Variants in DRD3 observed in about 807,000 individuals in gnomAD.
DRD3 encodes the protein D(3) dopamine receptor.
Under a neutral mutation model 36.3 loss-of-function variants are expected in DRD3, and 19 were observed. The ratio of observed to expected loss-of-function variants is 0.52; its 90% confidence interval spans 0.36 to 0.77. DRD3 has a LOEUF of 0.77. DRD3 is among the 30% of genes least tolerant of loss of function. The pLI is 0.00. For missense variants in DRD3, 465 were observed against 505.3 expected (o/e 0.92, Z 0.77); for synonymous variants, 195 against 203.7 (o/e 0.96, Z 0.36).
At chr3:114,196,939 G>C (rs2078038105) in intron 1 of DRD3, among the ~76,000 whole-genome samples, 1 of 149,970 alleles carries the variant, frequency 6.7e-6, no homozygotes, top group African/African-American at 2.4e-5. Flanking sequence ...GTCTTTTTAT[G>C]CACCTAATAG....
chr3:114,181,897 C>G (rs377348843), upstream of DRD3, among the ~76,000 whole-genome samples: 48 of 152,224 alleles, frequency 3.2e-4, no homozygotes, highest in African/African-American at 1.1e-3. Flanking sequence ...TAAACCCCCA[C>G]TGAGTTCCCA....
intron 5 of DRD3, among the ~76,000 whole-genome samples, chr3:114,134,006 A>G (rs916362263): frequency 2.0e-5 from 3 of 152,202 alleles, no homozygotes; most frequent in African/African-American, 4.8e-5. Flanking sequence ...TTTTCTAACT[A>G]GATTATTTCT....
At chr3:114,139,807 G>C (rs544113269) in intron 4 of DRD3, 111 bp from the exon 5 acceptor site, 30 of 982,618 alleles carry the variant, frequency 3.1e-5, no homozygotes, top group Middle Eastern at 2.6e-4. Flanking sequence ...TGCTGCACAG[G>C]GGGTGGGAAG....
intron 3 of DRD3, 46 bp from the exon 4 acceptor site, chr3:114,147,603 G>C: frequency 1.3e-6 from 2 of 1,586,516 alleles, no homozygotes; most frequent in Non-Finnish European, 1.7e-6. Flanking sequence ...AGATGGAATG[G>C]GGTACTTTTC....
Position 114,133,424 on chromosome 3 carries a change from C to A in DRD3, c.724-2024G>T, listed in dbSNP as rs555730333. ...ATTGTAGATGAAATAAGACTGACCA[C>A]GAATTGATCACGACTGAGGCTGCCT... On this transcript the variant is annotated intron_variant, in intron 5 of 6. Transcript: ENST00000383673. Among the ~76,000 whole-genome samples, 86 of 151,730 alleles carry A rather than the reference C, an allele frequency of 5.7e-4. 1 individual carries two copies. Among genetic ancestry groups the A allele is most frequent in the African/African-American group, 2.1e-3 (85 of 41,338 alleles).
chr3:114,185,129 T>C (rs962724505), intron 1 of DRD3, among the ~76,000 whole-genome samples: 3 of 152,208 alleles, frequency 2.0e-5, no homozygotes, highest in Non-Finnish European at 4.4e-5. Flanking sequence ...TTGTGCTTCT[T>C]GGATGTTTAT....
At chr3:114,189,601 T>C (rs753878189) in intron 1 of DRD3, among the ~76,000 whole-genome samples, 7 of 152,268 alleles carry the variant, frequency 4.6e-5, no homozygotes, top group Non-Finnish European at 1.0e-4. Context: ...GGCCACATTA[T>C]GCCTGTAGAA....
chr3:114,171,995 C>G lies in DRD3; in HGVS notation c.-3G>C. 1 of 1,440,314 alleles carries G rather than the reference C, an allele frequency of 6.9e-7. No homozygotes were observed. Among genetic ancestry groups the G allele is most frequent in the Non-Finnish European group, 9.2e-7 (1 of 1,090,630 alleles). The allele number at this position is 1,440,314 out of a possible 1,614,324, so 89.2% of individuals were successfully genotyped here. Reference sequence around the variant, plus strand: ...CTCAGCTGGCTCAGAGATGCCATAGCCCAGAGGGAGGTGCGTGATGCCAAG... The same window carrying G: ...CTCAGCTGGCTCAGAGATGCCATAGGCCAGAGGGAGGTGCGTGATGCCAAG... On this transcript the variant is annotated 5_prime_UTR_variant, in exon 2 of 7. Coordinates refer to ENST00000383673, the MANE Select transcript of DRD3 (RefSeq NM_000796.6).
chr3:114,186,891 A>G (rs1258806231), intron 1 of DRD3, among the ~76,000 whole-genome samples: 1 of 152,152 alleles, frequency 6.6e-6, no homozygotes, highest in African/African-American at 2.4e-5. Context: ...ATTGGCTTTT[A>G]GTGCTCCCCC....
chr3:114,177,429 G>A (rs546263781), intron 1 of DRD3, among the ~76,000 whole-genome samples: 1 of 152,132 alleles, frequency 6.6e-6, no homozygotes, highest in Non-Finnish European at 1.5e-5. Context: ...AACCTGACTA[G>A]TAAAGCAGAG....
At chr3:114,160,008 T>C (rs779415461) in intron 2 of DRD3, 141 bp from the exon 3 acceptor site, 9 of 707,640 alleles carry the variant, frequency 1.3e-5, no homozygotes, top group Non-Finnish European at 2.0e-5. Flanking sequence ...ACAGGGCAGA[T>C]GGACATCAAG....
At chr3:114,158,140 A>C (rs1246024177) in intron 3 of DRD3, among the ~76,000 whole-genome samples, 3 of 151,900 alleles carry the variant, frequency 2.0e-5, no homozygotes, top group Non-Finnish European at 4.4e-5. Flanking sequence ...GTCCAGATGC[A>C]GTAGTATGTG....
intron 6 of DRD3, among the ~76,000 whole-genome samples, chr3:114,129,636 C>T (rs2077409403): frequency 6.6e-6 from 1 of 152,198 alleles, no homozygotes; most frequent in South Asian, 2.1e-4. Flanking sequence ...GAGATTACAT[C>T]TAGGAGTTCT....
intron 1 of DRD3, among the ~76,000 whole-genome samples, chr3:114,192,073 T>C (rs1270249312): frequency 6.6e-6 from 1 of 152,102 alleles, no homozygotes; most frequent in Non-Finnish European, 1.5e-5. Context: ...TATGCCCTGA[T>C]TGGAGGCTGG....
intron 3 of DRD3, among the ~76,000 whole-genome samples, chr3:114,155,821 T>G (rs1382120044): frequency 6.6e-6 from 1 of 152,050 alleles, no homozygotes; most frequent in African/African-American, 2.4e-5. Context: ...CAGTTCTCCC[T>G]CTTCACAAAG....
rs2630352 is a variant in DRD3, at chr3:114,156,445, G to T, written c.383+3310C>A. 2.0e-3 allele frequency among the ~76,000 whole-genome samples: 305 copies of T among 151,522 alleles called. 1 individual carries two copies. The highest frequency in any genetic ancestry group is 7.0e-3 in the African/African-American group (290 of 41,304). On this transcript the variant is annotated intron_variant, in intron 3 of 6. Coordinates refer to ENST00000383673, the MANE Select transcript of DRD3 (RefSeq NM_000796.6). ...CTTCCTAATCTTTCATATTCAAGAG[G>T]TTGGTGTTTACAGACCTTTTGCCGT...
At chr3:114,185,496 C>T (rs2077970315) in intron 1 of DRD3, among the ~76,000 whole-genome samples, 1 of 151,582 alleles carries the variant, frequency 6.6e-6, no homozygotes, top group African/African-American at 2.4e-5. Flanking sequence ...CCATTTTATT[C>T]ATAGGTTGTT....
At chr3:114,138,882 C>T (rs886641570) in intron 5 of DRD3, among the ~76,000 whole-genome samples, 2 of 152,214 alleles carry the variant, frequency 1.3e-5, no homozygotes, top group Non-Finnish European at 2.9e-5. Flanking sequence ...TATATCCATT[C>T]ATGCTTCAAG....
At chr3:114,199,216 A>G (rs957487432) in intron 1 of DRD3, 6 of 152,150 alleles carry the variant, frequency 3.9e-5, no homozygotes, top group African/African-American at 1.4e-4. Flanking sequence ...CTGTGCTGCT[A>G]TGACAGAATA....
Sources: gnomAD v4.1 joint callset for allele counts (sites outside exome capture counted in the v4.1 genomes callset) on GRCh38, gnomAD v4.1.1 for gene constraint, MANE v1.5 for transcripts, NCBI Gene and HGNC (gene_info 2026-07-23, HGNC 2026-07-21) for gene names.